SLC16A3: variants seen among roughly 807,000 people sequenced by gnomAD.
SLC16A3 encodes the protein solute carrier family 16 member 3.
SLC16A3 carries 22 observed loss-of-function variants against 25.0 expected under a neutral mutation model. That is an observed-to-expected ratio of 0.88 (90% CI 0.63 to 1.26). The LOEUF (loss-of-function observed/expected upper bound fraction) is 1.26, where lower values mean the gene tolerates loss of function less well. Ranked by LOEUF, SLC16A3 falls within the 50% of genes most tolerant of loss-of-function variation. The probability of loss-of-function intolerance (pLI) is 0.00; values close to 1 mark genes in which losing one functional copy is unlikely to be tolerated. For synonymous variants in SLC16A3, 390 were observed against 309.2 expected, an observed-to-expected ratio of 1.26 and a Z score of -2.74; for missense variants, 731 against 666.6, an observed-to-expected ratio of 1.10 and a Z score of -1.06.
intron 1 of SLC16A3, among the ~76,000 whole-genome samples, chr17:82,232,742 G>T (rs1163448704): frequency 2.0e-5 from 3 of 152,188 alleles, no homozygotes; most frequent in Non-Finnish European, 4.4e-5. Context: ...AGGGTCTCCT[G>T]CAAGGGACTT....
chr17:82,233,769 C>T (rs1438690013), intron 1 of SLC16A3: 1 of 152,280 alleles, frequency 6.6e-6, no homozygotes, highest in South Asian at 2.1e-4. Context: ...GCCGTCAACC[C>T]CTCCAGTCTC....
chr17:82,219,911 A>G (rs1229229367), intron 1 of SLC16A3, among the ~76,000 whole-genome samples: 1 of 152,208 alleles, frequency 6.6e-6, no homozygotes, highest in Admixed American at 6.5e-5. Context: ...CTGACCCCCC[A>G]GCCCCCAGCT....
rs1255620200 is a variant in SLC16A3 at position 82,236,248 on chromosome 17, A to C, written c.223+17A>C. 1 of 1,603,918 alleles carries C rather than the reference A, an allele frequency of 6.2e-7. No individual in the cohort carries two copies. The highest frequency in any genetic ancestry group is 2.2e-5 in the East Asian group (1 of 44,834). On this transcript the variant is annotated intron_variant, in intron 2 of 4. Coordinates refer to ENST00000582743, the MANE Select transcript of SLC16A3 (RefSeq NM_004207.4). ...ACGGGACAGGTGAGGGTGGCCTCAC[A>C]CCGGGCCCCCTGTCCGGGGCTCTGC...
At chr17:82,219,196 C>G (rs535009580) in intron 1 of SLC16A3, among the ~76,000 whole-genome samples, 1 of 152,056 alleles carries the variant, frequency 6.6e-6, no homozygotes, top group African/African-American at 2.4e-5. Flanking sequence ...GGAGGACACC[C>G]GGGACCAGGC....
intron 1 of SLC16A3, chr17:82,230,674 G>A (rs1333649501): frequency 6.6e-6 from 1 of 152,466 alleles, no homozygotes; most frequent in Non-Finnish European, 1.5e-5. Flanking sequence ...GCTCCCTCCA[G>A]TGAGGTGCCA....
intron 1 of SLC16A3, chr17:82,233,587 C>G (rs2050535675): frequency 6.6e-6 from 1 of 152,270 alleles, no homozygotes; most frequent in African/African-American, 2.4e-5. Context: ...GCTGGTGCAG[C>G]CAGGGAGACT....
intron 3 of SLC16A3, 23 bp from the exon 4 acceptor site, chr17:82,237,115 T>A: frequency 1.3e-6 from 2 of 1,489,950 alleles, no homozygotes; most frequent in East Asian, 4.8e-5. Context: ...TGGGGGGCTC[T>A]CACCACATTC....
upstream of SLC16A3, among the ~76,000 whole-genome samples, chr17:82,224,308 T>A (rs142475418): frequency 3.9e-5 from 1 of 25,336 alleles, no homozygotes; most frequent in African/African-American, 1.6e-4. Context: ...ACCTGTGCAG[T>A]CACCTGTGCA....
intron 1 of SLC16A3, among the ~76,000 whole-genome samples, chr17:82,221,029 G>A (rs1377170594): frequency 6.6e-6 from 1 of 151,982 alleles, no homozygotes; most frequent in African/African-American, 2.4e-5. Flanking sequence ...CTACTGGCCA[G>A]GCTGGTCTCA....
intron 1 of SLC16A3, among the ~76,000 whole-genome samples, chr17:82,222,699 A>G (rs2147107108): frequency 6.6e-6 from 1 of 151,104 alleles, no homozygotes; most frequent in Middle Eastern, 3.4e-3. Flanking sequence ...GCTACTCGGG[A>G]GGCTGAGGCA....
intron 1 of SLC16A3, chr17:82,234,122 G>A (rs940285565): frequency 9.9e-5 from 15 of 152,260 alleles, no homozygotes; most frequent in Admixed American, 2.6e-4. Flanking sequence ...TTACAGGCGT[G>A]AGCCACCGCG....
Position 82,237,844 on chromosome 17 carries a change from G to A in SLC16A3, c.1074G>A (p.Leu358=), listed in dbSNP as rs1281261868. 5.6e-6 allele frequency: 9 copies of A among 1,606,260 alleles called. No individual in the cohort carries two copies. Among genetic ancestry groups the A allele is most frequent in the Non-Finnish European group, 7.6e-6 (9 of 1,179,918 alleles). The change falls in exon 4 of 5, where the codon CTG becomes CTA. Residue 358 remains leucine, a synonymous_variant. Coordinates refer to ENST00000582743, the MANE Select transcript of SLC16A3 (RefSeq NM_004207.4). ...GTHKFSSAIG[L]VLLMEAVAVL... ...ACAAGTTCTCCAGTGCCATTGGCCT[G>A]GTGCTGCTGATGGAGGCGGTGGCCG...
intron 2 of SLC16A3, 106 bp from the exon 3 acceptor site, chr17:82,236,623 G>A: frequency 6.7e-7 from 1 of 1,482,408 alleles, no homozygotes; most frequent in African/African-American, 1.4e-5. Flanking sequence ...CGCGGGGGGA[G>A]GGGTGGTGTG....
intron 1 of SLC16A3, chr17:82,234,128 CCG>C (rs1568536325): frequency 6.6e-6 from 1 of 152,304 alleles, no homozygotes; most frequent in Non-Finnish European, 1.5e-5. Context: ...GCGTGAGCCA[CCG>C]CGCCCGGCCT....
chr17:82,234,124 G>C (rs8078916), intron 1 of SLC16A3: 2 of 152,260 alleles, frequency 1.3e-5, no homozygotes, highest in Non-Finnish European at 2.9e-5. Context: ...ACAGGCGTGA[G>C]CCACCGCGCC....
At chr17:82,220,598 C>G (rs1436644236) in intron 1 of SLC16A3, among the ~76,000 whole-genome samples, 1 of 152,046 alleles carries the variant, frequency 6.6e-6, no homozygotes, top group Non-Finnish European at 1.5e-5. Flanking sequence ...CAGTGAGATC[C>G]TGTCTCTATC....
chr17:82,226,393 G>A (rs1198507117), upstream of SLC16A3, among the ~76,000 whole-genome samples: 1 of 152,064 alleles, frequency 6.6e-6, no homozygotes, highest in Non-Finnish European at 1.5e-5. Flanking sequence ...TGTGGGGTGG[G>A]TGCTCCCAAC....
At position 82,237,416 on chromosome 17, in the gene SLC16A3, C is replaced by A; in HGVS notation, c.646C>A (p.Arg216Ser). 1 of 1,570,842 alleles carries A rather than the reference C, an allele frequency of 6.4e-7. No individual in the cohort carries two copies. Among genetic ancestry groups the A allele is most frequent in the Admixed American group, 1.8e-5 (1 of 54,726 alleles). ...CTCGGGGCCGCCGCGACCCTCCCGG[C>A]GCCTGCTAGACCTGAGCGTCTTCCG... is the stretch of plus-strand genomic sequence containing the variant. The part of the protein sequence containing the change: ...PGSGPPRPSR[R>S]LLDLSVFRDR... The change falls in exon 4 of 5, where the codon CGC (arginine) becomes AGC (serine). Residue 216 changes from arginine to serine, a missense_variant. By Grantham distance (110) the Arg-to-Ser change is moderately radical (BLOSUM62 -1). Coordinates refer to ENST00000582743, the MANE Select transcript of SLC16A3 (RefSeq NM_004207.4).
At chr17:82,225,545 G>A (rs2050416515), upstream of SLC16A3, among the ~76,000 whole-genome samples, 1 of 152,244 alleles carries the variant, frequency 6.6e-6, no homozygotes, top group Non-Finnish European at 1.5e-5. Flanking sequence ...GCAGGGAGCT[G>A]TAAGGCAGGC....
Sources: allele counts gnomAD v4.1 joint callset (sites outside exome capture counted in the v4.1 genomes callset), GRCh38; gene constraint gnomAD v4.1.1; transcripts MANE v1.5; gene names NCBI Gene and HGNC (gene_info 2026-07-23, HGNC 2026-07-21).